Variants in NYAP2 observed in about 807,000 individuals in gnomAD.
NYAP2 encodes neuronal tyrosine-phosphorylated phosphoinositide-3-kinase adaptor 2, also known as neuronal tyrosine-phosphorylated phosphoinositide-3-kinase adapter 2.
NYAP2 carries 23 observed loss-of-function variants against 50.4 expected under a neutral mutation model. The ratio of observed to expected loss-of-function variants is 0.46; its 90% CI spans 0.33 to 0.65. The LOEUF (loss-of-function observed/expected upper bound fraction) is 0.65. NYAP2 is among the 30% of genes least tolerant of loss of function. The pLI is 0.02. For synonymous variants in NYAP2, 394 were observed against 365.2 expected (o/e 1.08, Z -0.90); for missense variants, 885 against 861.0 (o/e 1.03, Z -0.35).
chr2:225,496,629 T>C (rs150797834), intron 3 of NYAP2, among the ~76,000 whole-genome samples: 22 of 152,326 alleles, frequency 1.4e-4, no homozygotes, highest in African/African-American at 5.1e-4. Context: ...ATCACTAAGT[T>C]AATTGTCCTC....
intron 3 of NYAP2, among the ~76,000 whole-genome samples, chr2:225,454,634 A>G (rs1239686392): frequency 6.6e-6 from 1 of 152,178 alleles, no homozygotes; most frequent in Admixed American, 6.5e-5. Context: ...GCCTCCTGTC[A>G]GATCAGTGGC....
chr2:225,622,320 T>C (rs1452682682), intron 5 of NYAP2, among the ~76,000 whole-genome samples: 1 of 151,508 alleles, frequency 6.6e-6, no homozygotes, highest in African/African-American at 2.4e-5. Flanking sequence ...GCGTGAGGCA[T>C]TGAACCTGGC....
intron 3 of NYAP2, among the ~76,000 whole-genome samples, chr2:225,486,295 C>T (rs934026626): frequency 3.3e-5 from 5 of 152,182 alleles, no homozygotes; most frequent in Non-Finnish European, 7.3e-5. Context: ...GTATTCAGCA[C>T]TCCTATGCTC....
chr2:225,606,702 G>A (rs1159808443), intron 5 of NYAP2, among the ~76,000 whole-genome samples: 3 of 152,054 alleles, frequency 2.0e-5, no homozygotes, highest in Admixed American at 1.3e-4. Flanking sequence ...TGAATTCCTT[G>A]CATCCAATAG....
rs1231529238 is a variant in NYAP2, at chr2:225,582,876, A to T, written c.1459A>T (p.Met487Leu). 6.8e-6 allele frequency: 11 copies of T among 1,613,470 alleles called. No homozygotes were observed. Among genetic ancestry groups the T allele is most frequent in the Non-Finnish European group, 9.3e-6 (11 of 1,179,856 alleles). ...ACCCGTGTCGCAAGATGGGGCCAAG[A>T]TGGTCAACGCCGCGGTGAACACCTA... The change falls in exon 5 of 7, where the codon ATG becomes TTG. Residue 487 changes from methionine (M) to leucine (L), a missense_variant. By Grantham distance (15) the Met-to-Leu change is conservative. Transcript: ENST00000636099. This position sits in a 1 kb window ranked among gnomAD's most constrained non-coding sequence, Gnocchi z 7.0.
At chr2:225,561,007 C>T (rs1462981899) in intron 4 of NYAP2, among the ~76,000 whole-genome samples, 1 of 145,412 alleles carries the variant, frequency 6.9e-6, no homozygotes, top group Non-Finnish European at 1.5e-5. Context: ...TAGTCTATGA[C>T]AGGCATTGCT....
At chr2:225,659,650 G>A in the NYAP2 span, among the ~76,000 whole-genome samples, 2 of 152,122 alleles carry the variant, frequency 1.3e-5, no homozygotes, top group Non-Finnish European at 2.9e-5. Flanking sequence ...AGATAGATAT[G>A]AGACTTACAG....
intron 6 of NYAP2, among the ~76,000 whole-genome samples, chr2:225,642,197 G>A (rs1038124803): frequency 2.6e-5 from 4 of 152,026 alleles, no homozygotes; most frequent in African/African-American, 4.8e-5. Context: ...AGGATAAACC[G>A]GGGCAGTGTG....
chr2:225,479,746 C>G (rs1016944106), intron 3 of NYAP2, among the ~76,000 whole-genome samples: 2 of 151,950 alleles, frequency 1.3e-5, no homozygotes, highest in African/African-American at 2.4e-5. Flanking sequence ...TAAGGACAAA[C>G]TTCAGACGAT....
At chr2:225,601,855 G>T (rs1330768963) in intron 5 of NYAP2, among the ~76,000 whole-genome samples, 1 of 152,142 alleles carries the variant, frequency 6.6e-6, no homozygotes, top group Non-Finnish European at 1.5e-5. Flanking sequence ...TTTTCACTCT[G>T]CTGATAGTGT....
At chr2:225,515,469 A>G (rs780740025) in intron 4 of NYAP2, among the ~76,000 whole-genome samples, 219 of 149,754 alleles carry the variant, frequency 1.5e-3, no homozygotes, top group Non-Finnish European at 2.4e-3. Context: ...ATGAACATTC[A>G]TGTGTGTGTG....
chr2:225,425,313 T>C (rs375316805), intron 3 of NYAP2, among the ~76,000 whole-genome samples: 1 of 152,328 alleles, frequency 6.6e-6, no homozygotes, highest in African/African-American at 2.4e-5. Context: ...TTTCTGTGTG[T>C]GTGACTGTGT....
chr2:225,700,657 A>T, the NYAP2 span: 11 of 151,938 alleles, frequency 7.2e-5, no homozygotes, highest in South Asian at 2.3e-3. Context: ...TATCAGTCAG[A>T]CACAAGATAC....
intron 3 of NYAP2, among the ~76,000 whole-genome samples, 190 bp downstream of exon 3, chr2:225,409,291 A>C (rs1683842599): frequency 6.6e-6 from 1 of 151,998 alleles, no homozygotes; most frequent in Non-Finnish European, 1.5e-5. Flanking sequence ...TCCTTAGTTA[A>C]CAAAAGTTAT....
intron 3 of NYAP2, among the ~76,000 whole-genome samples, chr2:225,421,900 C>A (rs1165492125): frequency 2.6e-5 from 4 of 152,196 alleles, no homozygotes; most frequent in Admixed American, 6.5e-5. Flanking sequence ...AGTACCAATA[C>A]ATTCATTTCT....
At chr2:225,472,188 G>C (rs1213831056) in intron 3 of NYAP2, among the ~76,000 whole-genome samples, 3 of 152,174 alleles carry the variant, frequency 2.0e-5, no homozygotes, top group Non-Finnish European at 4.4e-5. Context: ...GACTCATCCT[G>C]CTTCTCAAGA....
At position 225,636,547 on chromosome 2, in the gene NYAP2, A is replaced by G. The variant is rs140651516; in HGVS notation, c.1828+9421A>G. Among the ~76,000 whole-genome samples the G allele has an allele frequency of 1.2e-3, 175 of 151,518 alleles. 1 individual carries two copies. In the East Asian group the frequency reaches 0.031, roughly 27 times the overall value. On this transcript the variant is annotated intron_variant, in intron 6 of 6. Transcript: ENST00000636099. ...TTTTAGGGTACATTACTGGGTATATACCCAAAGGATTACAAATCATGCTGC... is the reference window on the plus strand; with the variant it reads ...TTTTAGGGTACATTACTGGGTATATGCCCAAAGGATTACAAATCATGCTGC...
intron 4 of NYAP2, among the ~76,000 whole-genome samples, chr2:225,580,178 C>A (rs531108533): frequency 4.6e-5 from 7 of 152,210 alleles, no homozygotes; most frequent in African/African-American, 1.7e-4. Context: ...AGCTTTGGTT[C>A]TTCCAAGTCC....
Position 225,521,521 on chromosome 2 carries a change from A to C in NYAP2, c.523+7849A>C, listed in dbSNP as rs576234745. ...TTTGTCGAAGGCCTTTTCTGCATCTATTGAGATAATCATGTGGTTTTTGTC... is the reference window on the plus strand; with the variant it reads ...TTTGTCGAAGGCCTTTTCTGCATCTCTTGAGATAATCATGTGGTTTTTGTC... On this transcript the variant is annotated intron_variant, in intron 4 of 6. Transcript: ENST00000636099. Among the ~76,000 whole-genome samples the C allele has an allele frequency of 1.1e-3, 170 of 151,870 alleles. 2 individuals carry two copies. The East Asian group carries it at 0.021, about 19-fold the overall frequency.
Sources: gnomAD v4.1 joint callset for allele counts (sites outside exome capture counted in the v4.1 genomes callset) on GRCh38, gnomAD v4.1.1 for gene constraint, Gnocchi (gnomAD v3.1) non-coding constraint, MANE v1.5 for transcripts, NCBI Gene and HGNC (gene_info 2026-07-23, HGNC 2026-07-21) for gene names.